KCNQ1OT1: variants seen among roughly 807,000 people sequenced by gnomAD.
KCNQ1OT1 encodes KCNQ1 opposite strand/antisense transcript 1.
At position 2,687,299 on chromosome 11, in the gene KCNQ1OT1, C is replaced by G; in HGVS notation, n.12696G>C. The G allele has an allele frequency of 2.5e-6, 1 of 398,692 alleles. No homozygotes were observed. The highest frequency in any genetic ancestry group is 4.4e-6 in the Non-Finnish European group (1 of 226,094). 24.7% of individuals were successfully genotyped at this position (398,692 alleles called of 1,614,324 possible). ...CTCCCACCTTGCAGCTTTGAGATCC[C>G]AGGCCTCTCAGGGCTCTGGCTGAGG... On this transcript the variant is annotated non_coding_transcript_exon_variant, in exon 1 of 1. Coordinates refer to ENST00000597346, the Ensembl canonical transcript of KCNQ1OT1. This position sits in a 1 kb window ranked among gnomAD's most constrained non-coding sequence, Gnocchi z 5.0.
chr11:2,693,242 T>C (rs1050584164), exon 1 of KCNQ1OT1: 6 of 398,796 alleles, frequency 1.5e-5, no homozygotes, highest in Non-Finnish European at 2.7e-5. Flanking sequence ...AGCCCAGGGC[T>C]ACCTGTACAG....
At chr11:2,692,826 T>A in exon 1 of KCNQ1OT1, 1 of 398,684 alleles carries the variant, frequency 2.5e-6, no homozygotes. Context: ...GAGGCAATGA[T>A]CATTCCCCTG....
chr11:2,697,672 G>A, exon 1 of KCNQ1OT1: 1 of 398,536 alleles, frequency 2.5e-6, no homozygotes, highest in South Asian at 1.3e-4. Context: ...GAATTACATG[G>A]ATAAAGTTTC....
rs1272367005 is a variant in KCNQ1OT1 at position 2,663,595 on chromosome 11, C to G, written n.36400G>C. 2 of 398,570 alleles carry G rather than the reference C, an allele frequency of 5.0e-6. No homozygotes were observed. Among genetic ancestry groups the G allele is most frequent in the Admixed American group, 4.4e-5 (1 of 22,716 alleles). The allele number at this position is 398,570 out of a possible 1,614,324, so 24.7% of individuals were successfully genotyped here. A position where few individuals can be genotyped will look rare whatever the true frequency, so the allele number is the denominator to read the frequency against. ...TTCTCCTGTTGGAGCTCTCGCTCAC[C>G]TTGGTTCTCTTGGTCACGGACCAGC... On this transcript the variant is annotated non_coding_transcript_exon_variant, in exon 1 of 1. Transcript: ENST00000597346. The surrounding 1 kb of genome is among the most constrained non-coding windows in gnomAD (Gnocchi z 5.2).
chr11:2,664,910 G>A lies in KCNQ1OT1; in HGVS notation n.35085C>T. On this transcript the variant is annotated non_coding_transcript_exon_variant, in exon 1 of 1. Transcript: ENST00000597346. The surrounding 1 kb of genome is among the most constrained non-coding windows in gnomAD (Gnocchi z 5.1). Reference sequence around the variant, plus strand: ...AAGACACATTTTGTTTCCATCTCGAGCTCTCCCCGCCCGCAGGGCCCCAGA... The same window carrying A: ...AAGACACATTTTGTTTCCATCTCGAACTCTCCCCGCCCGCAGGGCCCCAGA... 2.5e-6 allele frequency: 1 copy of A among 398,594 alleles called. No individual in the cohort carries two copies. Among genetic ancestry groups the A allele is most frequent in the Non-Finnish European group, 4.4e-6 (1 of 226,076 alleles). The allele number at this position is 398,594 out of a possible 1,614,324, so 24.7% of individuals were successfully genotyped here.
chr11:2,614,291 T>C, exon 1 of KCNQ1OT1: 1 of 398,606 alleles, frequency 2.5e-6, no homozygotes, highest in Non-Finnish European at 4.4e-6. Context: ...ACATTTAATA[T>C]AGAGTCTTCT....
At chr11:2,689,233 C>A in exon 1 of KCNQ1OT1, 3 of 398,746 alleles carry the variant, frequency 7.5e-6, no homozygotes, top group Non-Finnish European at 1.3e-5. Context: ...TTAGGCCAAG[C>A]TTTGAAGTCA....
Position 2,620,211 on chromosome 11 carries a change from A to ATATATATT in KCNQ1OT1, n.79783_79784insAATATATA, listed in dbSNP as rs1383035176. 94 of 261,986 alleles carry ATATATATT rather than the reference A, an allele frequency of 3.6e-4. No individual in the cohort carries two copies. The highest frequency in any genetic ancestry group is 5.1e-4 in the Non-Finnish European group (77 of 149,542). 16.2% of individuals were successfully genotyped at this position (261,986 alleles called of 1,614,324 possible). A position where few individuals can be genotyped will look rare whatever the true frequency, so the allele number is the denominator to read the frequency against. On this transcript the variant is annotated non_coding_transcript_exon_variant, in exon 1 of 1. Transcript: ENST00000597346. The surrounding 1 kb of genome is among the most constrained non-coding windows in gnomAD (Gnocchi z 4.5). ...TAAGTTCATTCATGTATATATATAT[A>ATATATATT]TTTTTTTTTTTTATTTTTTTTTTAG...
At position 2,624,395 on chromosome 11, in the gene KCNQ1OT1, T is replaced by C. The variant is rs2133808028; in HGVS notation, n.75600A>G. ...CTTTCATCCTCTTGACAGTATGTTT[T>C]ACAGAGCAGAAACTTTTATTTTTAA... On this transcript the variant is annotated non_coding_transcript_exon_variant, in exon 1 of 1. Transcript: ENST00000597346. This position sits in a 1 kb window ranked among gnomAD's most constrained non-coding sequence, Gnocchi z 4.9. 1.0e-5 allele frequency: 4 copies of C among 398,548 alleles called. No homozygotes were observed. The East Asian group carries it at 1.4e-4, about 14-fold the overall frequency. The allele number at this position is 398,548 out of a possible 1,614,324, so 24.7% of individuals were successfully genotyped here. A position where few individuals can be genotyped will look rare whatever the true frequency, so the allele number is the denominator to read the frequency against.
Position 2,611,812 on chromosome 11 carries a change from C to T in KCNQ1OT1, n.88183G>A. Reference sequence around the variant, plus strand: ...TCTCTTCCTCCTTTACTGCCTTCTGCAGGTTGAATAGATATGTTCTAGAGT... The same window carrying T: ...TCTCTTCCTCCTTTACTGCCTTCTGTAGGTTGAATAGATATGTTCTAGAGT... On this transcript the variant is annotated non_coding_transcript_exon_variant, in exon 1 of 1. Coordinates refer to ENST00000597346, the Ensembl canonical transcript of KCNQ1OT1. This position sits in a 1 kb window ranked among gnomAD's most constrained non-coding sequence, Gnocchi z 5.3. 1 of 398,470 alleles carries T rather than the reference C, an allele frequency of 2.5e-6. No homozygotes were observed. Among genetic ancestry groups the T allele is most frequent in the Non-Finnish European group, 4.4e-6 (1 of 226,010 alleles). 24.7% of individuals were successfully genotyped at this position (398,470 alleles called of 1,614,324 possible).
chr11:2,693,746 G>A (rs1211605907), exon 1 of KCNQ1OT1: 2 of 398,708 alleles, frequency 5.0e-6, no homozygotes, highest in Non-Finnish European at 8.8e-6. Flanking sequence ...GGTTATACAG[G>A]CTCCTGCCAG....
rs1849176827 is a variant in KCNQ1OT1 at position 2,621,804 on chromosome 11, ATTCT to A, written n.78187_78190del. The A allele has an allele frequency of 1.3e-5, 5 of 398,168 alleles. No homozygotes were observed. Among genetic ancestry groups the A allele is most frequent in the African/African-American group, 8.2e-5 (4 of 48,598 alleles). The allele number at this position is 398,168 out of a possible 1,614,324, so 24.7% of individuals were successfully genotyped here. On this transcript the variant is annotated non_coding_transcript_exon_variant, in exon 1 of 1. Transcript: ENST00000597346. This position sits in a 1 kb window ranked among gnomAD's most constrained non-coding sequence, Gnocchi z 5.7. ...TGTTGATTTTATTTTTCAAAAATCA[ATTCT>A]TTGTTTCAAAAATTGAAGTCTTAGT...
exon 1 of KCNQ1OT1, chr11:2,655,962 C>T (rs1849839469): frequency 2.5e-6 from 1 of 398,592 alleles, no homozygotes; most frequent in South Asian, 1.3e-4. Flanking sequence ...GTGCAGGTCC[C>T]ACCCACTCTG....
At chr11:2,689,865 CT>C in exon 1 of KCNQ1OT1, 1 of 398,890 alleles carries the variant, frequency 2.5e-6, no homozygotes, top group Non-Finnish European at 4.4e-6. Flanking sequence ...GCACCCACCC[CT>C]GCCTATCCAG....
In KCNQ1OT1 at chr11:2,613,508, G is replaced by T. The variant is rs1849013868; in HGVS notation, n.86487C>A. ...CAAGCCTACCGTGCCCCTGAGCTTG[G>T]GTGGGGAGATGGCAGCCCCACGTTA... is the stretch of plus-strand genomic sequence containing the variant. On this transcript the variant is annotated non_coding_transcript_exon_variant, in exon 1 of 1. Transcript: ENST00000597346. The surrounding 1 kb of genome is among the most constrained non-coding windows in gnomAD (Gnocchi z 4.8). The T allele has an allele frequency of 2.5e-6, 1 of 398,312 alleles. No individual in the cohort carries two copies. The highest frequency in any genetic ancestry group is 4.4e-5 in the Admixed American group (1 of 22,686). 24.7% of individuals were successfully genotyped at this position (398,312 alleles called of 1,614,324 possible). A position where few individuals can be genotyped will look rare whatever the true frequency, so the allele number is the denominator to read the frequency against.
chr11:2,634,837 A>G (rs531900783), exon 1 of KCNQ1OT1: 337 of 152,278 alleles, frequency 2.2e-3, no homozygotes, highest in African/African-American at 7.6e-3. Context: ...CTTCTCCAGC[A>G]CCTGTTGTTT....
At chr11:2,643,891 G>T in exon 1 of KCNQ1OT1, 1 of 398,458 alleles carries the variant, frequency 2.5e-6, no homozygotes, top group Non-Finnish European at 4.4e-6. Context: ...GCAGGTTTTT[G>T]GTTTTGTTTT....
rs1257504037 is a variant in KCNQ1OT1, at chr11:2,673,217, TG to T, written n.26777del. 110 of 398,742 alleles carry T rather than the reference TG, an allele frequency of 2.8e-4. No individual in the cohort carries two copies. Among genetic ancestry groups the T allele is most frequent in the African/African-American group, 2.1e-3 (103 of 48,766 alleles). 24.7% of individuals were successfully genotyped at this position (398,742 alleles called of 1,614,324 possible). On this transcript the variant is annotated non_coding_transcript_exon_variant, in exon 1 of 1. Transcript: ENST00000597346. The surrounding 1 kb of genome is among the most constrained non-coding windows in gnomAD (Gnocchi z 4.5). ...AAAGCCGAACTGTGACTAGGCAAGC[TG>T]AGTCCCCTGTAGATTCTGGGGACTG...
Position 2,640,175 on chromosome 11 carries a change from C to T in KCNQ1OT1, n.59820G>A, listed in dbSNP as rs1314892123. On this transcript the variant is annotated non_coding_transcript_exon_variant, in exon 1 of 1. Transcript: ENST00000597346. ...CTTCCCAGGTGAGGCGATGCCTCGCCCTACTTCGTCTCACACTCAGTGGGC... is the reference window on the plus strand; with the variant it reads ...CTTCCCAGGTGAGGCGATGCCTCGCTCTACTTCGTCTCACACTCAGTGGGC... 3 of 384,552 alleles carry T rather than the reference C, an allele frequency of 7.8e-6. No individual in the cohort carries two copies. The Admixed American group carries it at 1.3e-4, about 17-fold the overall frequency. 23.8% of individuals were successfully genotyped at this position (384,552 alleles called of 1,614,324 possible).
Sources: allele counts gnomAD v4.1 joint callset, GRCh38; gene constraint gnomAD v4.1.1; non-coding constraint Gnocchi (gnomAD v3.1); transcripts MANE v1.5; gene names NCBI Gene and HGNC (gene_info 2026-07-23, HGNC 2026-07-21).